The following ZC3H4 variants were observed in gnomAD, a reference collection of about 807,000 sequenced individuals.
ZC3H4 encodes the protein zinc finger CCCH domain-containing protein 4.
In ZC3H4, 13 loss-of-function variants were observed where a neutral mutation model predicts 108.3. The observed-to-expected ratio is 0.12, with a 90% CI of 0.08 to 0.19. ZC3H4 has a LOEUF of 0.19. Ranked by LOEUF, ZC3H4 falls within the 10% of genes least tolerant of loss-of-function variation. The pLI is 1.00. For synonymous variants in ZC3H4, 917 were observed against 749.6 expected (o/e 1.22, Z -3.65); for missense variants, 1,734 against 1,838.8 (o/e 0.94, Z 1.04).
chr19:47,075,230 G>A (rs770420629), intron 11 of ZC3H4, among the ~76,000 whole-genome samples: 2 of 152,136 alleles, frequency 1.3e-5, no homozygotes, highest in Non-Finnish European at 2.9e-5. Flanking sequence ...GGTGGTCAGC[G>A]TGTGAACCAG....
chr19:47,077,861 CAA>C (rs767129835), intron 11 of ZC3H4, among the ~76,000 whole-genome samples: 3,613 of 72,258 alleles, frequency 0.05, 106 homozygotes, highest in African/African-American at 0.13. Context: ...CCGTCTCAAA[CAA>C]AAAAAAAAAA....
intron 2 of ZC3H4, among the ~76,000 whole-genome samples, chr19:47,108,412 T>G (rs2057994332): frequency 6.6e-6 from 1 of 152,168 alleles, no homozygotes; most frequent in African/African-American, 2.4e-5. Context: ...TATGGAGAGA[T>G]GTTTCTACAG....
intron 2 of ZC3H4, among the ~76,000 whole-genome samples, chr19:47,109,974 G>C (rs905793781): frequency 1.3e-5 from 2 of 152,168 alleles, no homozygotes; most frequent in African/African-American, 4.8e-5. Context: ...GCTGGAGGAG[G>C]TGTTCCCTCC....
Position 47,094,452 on chromosome 19 carries a change from T to TTTCCGC in ZC3H4, c.312_317dup (p.Arg107_Lys108dup). ...TCTCTTTCTCCCGCTCTTTCTTCCG[T>TTTCCGC]TTCCGCTTCAGTCTCCTGTGGGACT... On this transcript the variant is annotated inframe_insertion, in exon 3 of 15. Transcript: ENST00000253048. 6.2e-7 allele frequency: 1 copy of TTTCCGC among 1,614,218 alleles called. No individual in the cohort carries two copies. The highest frequency in any genetic ancestry group is 8.5e-7 in the Non-Finnish European group (1 of 1,180,038).
In ZC3H4 at chr19:47,086,467, T is replaced by G. The variant is rs756822980; in HGVS notation, c.787A>C (p.Arg263=). ...RGGSRGRGMG[R]GSRGRGRGSM... is the part of the protein sequence containing the mutation. ...CCTCTGCCCCTGCCTCGGCTGCCCC[T>G]GCCCATGCCGCGGCCTCGCGATCCT... is the stretch of plus-strand genomic sequence containing the variant. The change falls in exon 6 of 15, where the codon AGG becomes CGG. Residue 263 remains arginine, a synonymous_variant. Transcript: ENST00000253048. 2 of 1,611,212 alleles carry G rather than the reference T, an allele frequency of 1.2e-6. No homozygotes were observed. The highest frequency in any genetic ancestry group is 2.7e-5 in the African/African-American group (2 of 74,828).
chr19:47,097,794 C>T (rs986318813), intron 2 of ZC3H4, among the ~76,000 whole-genome samples: 3 of 152,160 alleles, frequency 2.0e-5, no homozygotes, highest in African/African-American at 7.2e-5. Flanking sequence ...CAATCTAGAC[C>T]TGCCAAACTC....
At chr19:47,080,805 A>G (rs1456448440) in intron 11 of ZC3H4, among the ~76,000 whole-genome samples, 2 of 151,886 alleles carry the variant, frequency 1.3e-5, no homozygotes, top group African/African-American at 4.8e-5. Flanking sequence ...GCTAATTTTT[A>G]TATTTTTAGT....
intron 2 of ZC3H4, among the ~76,000 whole-genome samples, chr19:47,095,473 T>C (rs1022860902): frequency 1.3e-5 from 2 of 152,032 alleles, no homozygotes; most frequent in Non-Finnish European, 2.9e-5. Context: ...GGCCCTGCTT[T>C]CTCTCCCTCC....
At position 47,072,981 on chromosome 19, in the gene ZC3H4, TG is replaced by T. The variant is rs2057357363; in HGVS notation, c.1441-269del. ...AAGCATACTGTTTAACCATTTAAAG[TG>T]AACGATTCAGCTGGGCGCAGGGACT... On this transcript the variant is annotated intron_variant, in intron 11 of 14. Transcript: ENST00000253048. The surrounding 1 kb of genome is among the most constrained non-coding windows in gnomAD (Gnocchi z 5.6). 1.3e-5 allele frequency among the ~76,000 whole-genome samples: 2 copies of T among 152,110 alleles called. No homozygotes were observed. The highest frequency in any genetic ancestry group is 1.5e-5 in the Non-Finnish European group (1 of 68,016).
At chr19:47,100,108 G>T (rs573573938) in intron 2 of ZC3H4, among the ~76,000 whole-genome samples, 1 of 152,162 alleles carries the variant, frequency 6.6e-6, no homozygotes, top group Non-Finnish European at 1.5e-5. Context: ...CCCCAAGTCC[G>T]ATTCTGCGGA....
rs58245119 is a variant in ZC3H4 at position 47,099,734 on chromosome 19, G to A, written c.162-5126C>T. 5.4e-3 allele frequency among the ~76,000 whole-genome samples: 810 copies of A among 151,400 alleles called. 13 individuals carry two copies. The highest frequency in any genetic ancestry group is 0.019 in the African/African-American group (788 of 41,202). On this transcript the variant is annotated intron_variant, in intron 2 of 14. Transcript: ENST00000253048. ...AAGGCTTCTTACAGAAATGAAGCTT[G>A]GCAACATGGCAGCTCTCTAGACAAG...
At chr19:47,085,219 G>A (rs1477075580) in intron 7 of ZC3H4, 24 bp from the exon 8 acceptor site, 7 of 1,589,566 alleles carry the variant, frequency 4.4e-6, no homozygotes, top group Non-Finnish European at 6.0e-6. Context: ...ATTGTGTGAA[G>A]ACCTGCTGAC....
chr19:47,096,459 A>G (rs1015030113), intron 2 of ZC3H4, among the ~76,000 whole-genome samples: 2 of 152,248 alleles, frequency 1.3e-5, no homozygotes, highest in Non-Finnish European at 2.9e-5. Context: ...AAAGGGCCAC[A>G]TGACTGGGAA....
At chr19:47,076,793 G>A (rs1028237119) in intron 11 of ZC3H4, among the ~76,000 whole-genome samples, 3 of 152,136 alleles carry the variant, frequency 2.0e-5, no homozygotes, top group African/African-American at 7.2e-5. Context: ...AGGAGTTCGA[G>A]ACCAGCCTGA....
At chr19:47,076,325 G>GCGCACA (rs1000600009) in intron 11 of ZC3H4, among the ~76,000 whole-genome samples, 2 of 151,146 alleles carry the variant, frequency 1.3e-5, no homozygotes, top group African/African-American at 4.9e-5. Flanking sequence ...GCGCGCGCGC[G>GCGCACA]CACACACACA....
Position 47,084,579 on chromosome 19 carries a change from T to C in ZC3H4, c.1108-124A>G, listed in dbSNP as rs527305080. ...CCTTCAGATCTCACAAGAGCACCGA[T>C]GGGCAGGCTGCATCTAACACGGAGG... On this transcript the variant is annotated intron_variant, in intron 8 of 14. Coordinates refer to ENST00000253048, the MANE Select transcript of ZC3H4 (RefSeq NM_015168.2). 1.9e-5 allele frequency: 17 copies of C among 892,926 alleles called. No individual in the cohort carries two copies. The East Asian group carries it at 3.7e-4, about 19-fold the overall frequency. 55.3% of individuals were successfully genotyped at this position (892,926 alleles called of 1,614,324 possible). A position where few individuals can be genotyped will look rare whatever the true frequency, so the allele number is the denominator to read the frequency against.
At position 47,071,973 on chromosome 19, in the gene ZC3H4, C is replaced by G; in HGVS notation, c.1951G>C (p.Asp651His). 1 of 1,574,678 alleles carries G rather than the reference C, an allele frequency of 6.4e-7. No individual in the cohort carries two copies. ...TTCATGCCAGGGCCCATCGGCATGT[C>G]TGCGTGCATGTCTGCGTGCATGTCA... The part of the protein sequence containing the change: ...HPDMHADMHA[D>H]MPMGPGMNPG... The change falls in exon 13 of 15, where the codon GAC becomes CAC. Residue 651 changes from aspartate to histidine, a missense_variant. Physicochemically the swap from Asp to His is moderately conservative, Grantham distance 81. Around this residue, in one of 9 missense-constraint regions of ZC3H4, gnomAD observed 540 missense variants for 484.1 expected, o/e 1.12. Transcript: ENST00000253048.
intron 1 of ZC3H4, among the ~76,000 whole-genome samples, chr19:47,112,831 G>A (rs1385175985): frequency 1.3e-5 from 2 of 151,546 alleles, no homozygotes; most frequent in Non-Finnish European, 2.9e-5. Context: ...GCCCTCATAG[G>A]GGCGAGAGCC....
At position 47,071,997 on chromosome 19, in the gene ZC3H4, C is replaced by T; in HGVS notation, c.1927G>A (p.Asp643Asn). 2 of 1,601,808 alleles carry T rather than the reference C, an allele frequency of 1.2e-6. No individual in the cohort carries two copies. The highest frequency in any genetic ancestry group is 1.8e-5 in the Admixed American group (1 of 57,122). ...HPDMHPDMHP[D>N]MHADMHADMP... Reference sequence around the variant, plus strand: ...TCTGCGTGCATGTCTGCGTGCATGTCAGGGTGCATGTCCGGGTGCATGTCG... The same window carrying T: ...TCTGCGTGCATGTCTGCGTGCATGTTAGGGTGCATGTCCGGGTGCATGTCG... Residue 643 changes from aspartate (D) to asparagine (N), a missense_variant, in exon 13 of 15, where the codon GAC becomes AAC. Around this residue, in one of 9 missense-constraint regions of ZC3H4, gnomAD observed 540 missense variants for 484.1 expected, o/e 1.12. Transcript: ENST00000253048.
Sources: allele counts gnomAD v4.1 joint callset (sites outside exome capture counted in the v4.1 genomes callset), GRCh38; gene constraint gnomAD v4.1.1; regional missense constraint gnomAD v4.1.1; non-coding constraint Gnocchi (gnomAD v3.1); transcripts MANE v1.5; gene names NCBI Gene and HGNC (gene_info 2026-07-23, HGNC 2026-07-21).